Variants in SPAG16 observed in about 807,000 individuals in gnomAD.
The protein encoded by SPAG16 is sperm associated antigen 16.
SPAG16 carries 86 observed loss-of-function variants against 80.4 expected under a neutral mutation model. The ratio of observed to expected loss-of-function variants is 1.07; its 90% confidence interval spans 0.90 to 1.28. The LOEUF (loss-of-function observed/expected upper bound fraction) is 1.28, where lower values mean the gene tolerates loss of function less well. Among genes scored for constraint, SPAG16 ranks in the 50% most tolerant of loss-of-function variants. SPAG16 has a pLI of 0.00. For missense variants in SPAG16, 870 were observed against 765.3 expected, an observed-to-expected ratio of 1.14 and a Z score of -1.61; for synonymous variants, 294 against 265.9, an observed-to-expected ratio of 1.11 and a Z score of -1.03.
chr2:213,433,945 T>C (rs113070298), intron 9 of SPAG16, among the ~76,000 whole-genome samples: 6 of 132,554 alleles, frequency 4.5e-5, no homozygotes, highest in Non-Finnish European at 6.3e-5. Flanking sequence ...TTTGAGACAT[T>C]GTCTCGTTCT....
chr2:214,299,943 A>T (rs1472129988), intron 15 of SPAG16, among the ~76,000 whole-genome samples: 1 of 152,204 alleles, frequency 6.6e-6, no homozygotes, highest in Non-Finnish European at 1.5e-5. Context: ...TAGACAAGGT[A>T]CAAGGCCATT....
chr2:214,295,482 C>T (rs1225372677), intron 15 of SPAG16, among the ~76,000 whole-genome samples: 1 of 152,104 alleles, frequency 6.6e-6, no homozygotes, highest in East Asian at 1.9e-4. Flanking sequence ...CCTAAGCTCT[C>T]CTTAATTGGA....
At chr2:213,466,325 C>T (rs978048591) in intron 9 of SPAG16, among the ~76,000 whole-genome samples, 4 of 152,200 alleles carry the variant, frequency 2.6e-5, no homozygotes, top group Middle Eastern at 6.3e-3. Context: ...AAAGATTTAA[C>T]ATCTTCCCTA....
intron 11 of SPAG16, among the ~76,000 whole-genome samples, chr2:213,902,432 T>A (rs944172031): frequency 6.6e-6 from 1 of 152,184 alleles, no homozygotes; most frequent in African/African-American, 2.4e-5. Context: ...CACTTCTTAC[T>A]TAGCAGTGGC....
chr2:213,838,080 A>T (rs1468523022), intron 10 of SPAG16, among the ~76,000 whole-genome samples: 3 of 151,982 alleles, frequency 2.0e-5, no homozygotes, highest in Non-Finnish European at 4.4e-5. Flanking sequence ...GTGGTACTGC[A>T]TTTCTAGGCA....
At chr2:214,145,749 T>A (rs923333918) in intron 14 of SPAG16, among the ~76,000 whole-genome samples, 1 of 152,112 alleles carries the variant, frequency 6.6e-6, no homozygotes, top group Non-Finnish European at 1.5e-5. Flanking sequence ...CCACAAAGCA[T>A]TTTTTTGGGC....
intron 6 of SPAG16, among the ~76,000 whole-genome samples, chr2:213,342,306 GTATA>G (rs1022397755): frequency 7.7e-5 from 11 of 142,444 alleles, no homozygotes; most frequent in Admixed American, 2.1e-4. Context: ...TGACATATGT[GTATA>G]TATATGTTAC....
intron 10 of SPAG16, among the ~76,000 whole-genome samples, chr2:213,773,624 G>A (rs142262322): frequency 0.016 from 2,477 of 152,050 alleles, 78 homozygotes; most frequent in African/African-American, 0.057. Flanking sequence ...GCATGATCTC[G>A]GCTTACTGCA....
intron 10 of SPAG16, among the ~76,000 whole-genome samples, chr2:213,707,140 T>C (rs754493560): frequency 4.6e-5 from 7 of 152,210 alleles, no homozygotes; most frequent in Non-Finnish European, 7.3e-5. Flanking sequence ...GAAGCAAAGA[T>C]TATTAGGCAC....
intron 10 of SPAG16, among the ~76,000 whole-genome samples, chr2:213,502,238 G>C (rs1313301969): frequency 1.3e-5 from 2 of 152,070 alleles, no homozygotes; most frequent in Non-Finnish European, 2.9e-5. Context: ...CAGTCCTCCT[G>C]TCTCAGCCTC....
intron 10 of SPAG16, among the ~76,000 whole-genome samples, chr2:213,803,570 A>C (rs1446666681): frequency 1.3e-5 from 2 of 152,140 alleles, no homozygotes; most frequent in African/African-American, 4.8e-5. Flanking sequence ...AAAAGAAGGA[A>C]AACAAAACAA....
At chr2:214,268,946 A>G (rs1290408743) in intron 15 of SPAG16, among the ~76,000 whole-genome samples, 2 of 151,988 alleles carry the variant, frequency 1.3e-5, no homozygotes, top group African/African-American at 4.8e-5. Context: ...AGTTCTACCA[A>G]TCTCTAAAAA....
intron 11 of SPAG16, among the ~76,000 whole-genome samples, chr2:213,881,816 C>T (rs1198733449): frequency 1.3e-5 from 2 of 152,174 alleles, no homozygotes; most frequent in African/African-American, 4.8e-5. Context: ...GACACAAAGC[C>T]TAACTATATC....
At chr2:213,423,496 T>C (rs911328749) in intron 9 of SPAG16, among the ~76,000 whole-genome samples, 2 of 152,166 alleles carry the variant, frequency 1.3e-5, no homozygotes, top group Non-Finnish European at 2.9e-5. Flanking sequence ...TGTGGCCTTA[T>C]TCAGTTACAT....
At chr2:213,606,299 G>A (rs1218556168) in intron 10 of SPAG16, among the ~76,000 whole-genome samples, 1 of 152,184 alleles carries the variant, frequency 6.6e-6, no homozygotes. Context: ...GCTCAACAAA[G>A]TGGGGACATG....
chr2:213,739,386 G>A (rs1042578118), intron 10 of SPAG16, among the ~76,000 whole-genome samples: 2 of 152,086 alleles, frequency 1.3e-5, no homozygotes, highest in Non-Finnish European at 2.9e-5. Flanking sequence ...ATTCTCAAAT[G>A]CACATCTGTT....
intron 10 of SPAG16, among the ~76,000 whole-genome samples, chr2:213,843,996 G>A (rs1216529079): frequency 6.6e-6 from 1 of 152,086 alleles, no homozygotes; most frequent in Non-Finnish European, 1.5e-5. Flanking sequence ...GCTGTAGATT[G>A]TTTATAGTTC....
chr2:214,101,699 T>G (rs2053045650), intron 13 of SPAG16, among the ~76,000 whole-genome samples: 1 of 152,148 alleles, frequency 6.6e-6, no homozygotes, highest in African/African-American at 2.4e-5. Flanking sequence ...CAGGCAAAAC[T>G]GGAAAAGTGT....
At chr2:213,567,165 CTTTT>C (rs531916197) in intron 10 of SPAG16, among the ~76,000 whole-genome samples, 1,814 of 94,878 alleles carry the variant, frequency 0.019, 9 homozygotes, top group South Asian at 0.049. Flanking sequence ...AACACAGATT[CTTTT>C]TTTTTTTTTT....
Sources: allele counts gnomAD v4.1 joint callset (sites outside exome capture counted in the v4.1 genomes callset), GRCh38; gene constraint gnomAD v4.1.1; transcripts MANE v1.5; gene names NCBI Gene and HGNC (gene_info 2026-07-23, HGNC 2026-07-21).